SYNE2: variants seen among roughly 807,000 people sequenced by gnomAD.
The protein encoded by SYNE2 is nesprin-2.
Under a neutral mutation model 856.3 loss-of-function variants are expected in SYNE2, and 431 were observed. That is an observed-to-expected ratio of 0.50 (90% CI 0.47 to 0.55). The LOEUF (loss-of-function observed/expected upper bound fraction) is 0.55. SYNE2 is among the 20% of genes least tolerant of loss of function. The pLI is 0.00. For synonymous variants in SYNE2, 2,923 were observed against 2,872.3 expected (o/e 1.02, Z -0.56); for missense variants, 8,129 against 8,023.2 (o/e 1.01, Z -0.50).
At chr14:64,106,420 C>T (rs1177980578) in intron 64 of SYNE2, among the ~76,000 whole-genome samples, 3 of 152,122 alleles carry the variant, frequency 2.0e-5, no homozygotes, top group South Asian at 2.1e-4. Flanking sequence ...GAGGCCGAGG[C>T]GAGTGGATCA....
Position 64,119,380 on chromosome 14 carries a change from T to G in SYNE2, c.12841-47T>G, listed in dbSNP as rs776669309. ...CTTAACTTGTTTGCAGGCACAATAC[T>G]TCTTCAAGAACAACATTATGAATAA... On this transcript the variant is annotated intron_variant, in intron 66 of 115. Coordinates refer to ENST00000555002, the MANE Select transcript of SYNE2 (RefSeq NM_182914.3). 7 of 1,609,880 alleles carry G rather than the reference T, an allele frequency of 4.3e-6. No individual in the cohort carries two copies. In the East Asian group the frequency reaches 1.3e-4, roughly 31 times the overall value.
chr14:63,852,315 T>G (rs7144370), upstream of SYNE2, among the ~76,000 whole-genome samples: 87,995 of 151,820 alleles, frequency 0.58, 26,056 homozygotes, highest in South Asian at 0.69. Context: ...AAGGGACTGA[T>G]TATGGGCTGG....
rs111535955 is a variant in SYNE2 at position 63,863,646 on chromosome 14, A to G, written c.-52+10503A>G. 7.7e-4 allele frequency among the ~76,000 whole-genome samples: 117 copies of G among 152,256 alleles called. 1 individual carries two copies. Among genetic ancestry groups the G allele is most frequent in the African/African-American group, 2.6e-3 (110 of 41,550 alleles). On this transcript the variant is annotated intron_variant, in intron 1 of 115. Coordinates refer to ENST00000555002, the MANE Select transcript of SYNE2 (RefSeq NM_182914.3). ...GCATATAAGCTGTTACTATAGTATA[A>G]TGGTGAGTTATAGCCAGTGTATGAT...
chr14:63,803,992 T>C (rs1400724634), intron 1 of SYNE2, among the ~76,000 whole-genome samples: 1 of 152,122 alleles, frequency 6.6e-6, no homozygotes, highest in African/African-American at 2.4e-5. Context: ...GTGTGGCACT[T>C]CCCCCTTCAC....
intron 1 of SYNE2, among the ~76,000 whole-genome samples, chr14:63,799,752 CGTTT>C (rs1353877085): frequency 2.0e-5 from 3 of 152,048 alleles, no homozygotes; most frequent in Non-Finnish European, 4.4e-5. Flanking sequence ...AAAAATGTTT[CGTTT>C]ATTTGGTAAA....
In SYNE2 at chr14:64,190,095, T is replaced by C. The variant is rs781671699; in HGVS notation, c.17896T>C (p.Phe5966Leu). 1 of 1,614,084 alleles carries C rather than the reference T, an allele frequency of 6.2e-7. No individual in the cohort carries two copies. The highest frequency in any genetic ancestry group is 8.5e-7 in the Non-Finnish European group (1 of 1,180,016). Reference protein sequence around the residue: ...QKDCMEEINLFSENKLQLKQM... With the variant: ...QKDCMEEINLLSENKLQLKQM... Reference sequence around the variant, plus strand: ...GGACTGCATGGAAGAAATAAACTTGTTTAGTGAAAACAAGTTACAGTTAAA... The same window carrying C: ...GGACTGCATGGAAGAAATAAACTTGCTTAGTGAAAACAAGTTACAGTTAAA... The change falls in exon 99 of 116, where the codon TTT (phenylalanine) becomes CTT (leucine). Residue 5966 changes from phenylalanine to leucine, a missense_variant. Transcript: ENST00000555002.
At chr14:63,862,021 A>G (rs1893869490) in intron 1 of SYNE2, among the ~76,000 whole-genome samples, 1 of 152,234 alleles carries the variant, frequency 6.6e-6, no homozygotes, top group Non-Finnish European at 1.5e-5. Context: ...AGGTCCTCAC[A>G]TATCCCACCC....
At chr14:64,192,645 C>T (rs2098523604) in intron 99 of SYNE2, among the ~76,000 whole-genome samples, 1 of 152,148 alleles carries the variant, frequency 6.6e-6, no homozygotes, top group African/African-American at 2.4e-5. Context: ...ACTTAAACTT[C>T]ACTGTGATTC....
At chr14:64,064,974 C>T (rs2097347350) in intron 50 of SYNE2, among the ~76,000 whole-genome samples, 1 of 151,892 alleles carries the variant, frequency 6.6e-6, no homozygotes, top group African/African-American at 2.4e-5. Context: ...AGTCAATTCT[C>T]CTGCTTCAGC....
At chr14:64,187,005 A>G (rs1234990453) in intron 97 of SYNE2, among the ~76,000 whole-genome samples, 1 of 152,252 alleles carries the variant, frequency 6.6e-6, no homozygotes. Flanking sequence ...GGAGCATTTC[A>G]TATGAGTACT....
chr14:64,187,402 A>T lies in SYNE2; in HGVS notation c.17712+823A>T, dbSNP rs529226922. ...AATTTTTATACAAAAGAAAATGTTT[A>T]GAATATATGAAAAGTGTTCTGAAAG... On this transcript the variant is annotated intron_variant, in intron 97 of 115. Transcript: ENST00000555002. Among the ~76,000 whole-genome samples the T allele has an allele frequency of 1.5e-3, 231 of 152,336 alleles. 2 individuals are homozygous for T. The highest frequency in any genetic ancestry group is 2.3e-3 in the Non-Finnish European group (158 of 68,032).
rs2153505786 is a variant in SYNE2 at position 64,002,935 on chromosome 14, A to G, written c.4002A>G (p.Thr1334=). The part of the protein sequence containing the change: ...ALEDFLASLR[T]AKLSAEPVTD... ...AAGACTTTTTGGCGTCTCTCAGAAC[A>G]GCTAAACTCTCTGCTGAGCCCGTTA... The change falls in exon 30 of 116, where the codon ACA becomes ACG. Residue 1334 remains threonine (T), a synonymous_variant. Coordinates refer to ENST00000555002, the MANE Select transcript of SYNE2 (RefSeq NM_182914.3). The G allele has an allele frequency of 6.2e-7, 1 of 1,614,232 alleles. No individual in the cohort carries two copies. The highest frequency in any genetic ancestry group is 8.5e-7 in the Non-Finnish European group (1 of 1,180,038).
intron 104 of SYNE2, among the ~76,000 whole-genome samples, 178 bp downstream of exon 104, chr14:64,212,276 G>A (rs556957036): frequency 2.0e-4 from 31 of 152,230 alleles, no homozygotes; most frequent in African/African-American, 5.5e-4. Flanking sequence ...TGTTCTTTAC[G>A]GTCCAGGAGT....
intron 1 of SYNE2, among the ~76,000 whole-genome samples, chr14:63,865,724 C>CA (rs768960267): frequency 0.017 from 1,630 of 95,356 alleles, 162 homozygotes; most frequent in African/African-American, 0.066. Context: ...ACCCCCCCCC[C>CA]AAAAAAAAAG....
chr14:64,107,092 C>T (rs2097776616), intron 64 of SYNE2, among the ~76,000 whole-genome samples: 1 of 152,128 alleles, frequency 6.6e-6, no homozygotes, highest in African/African-American at 2.4e-5. Context: ...TGAGCACAAG[C>T]AATTCTTCTG....
intron 1 of SYNE2, among the ~76,000 whole-genome samples, chr14:63,879,679 G>A (rs1367666228): frequency 1.3e-5 from 2 of 152,204 alleles, no homozygotes; most frequent in Non-Finnish European, 2.9e-5. Flanking sequence ...CTGAGACAAA[G>A]GAGGAAAAGT....
chr14:63,887,277 C>G (rs2095014416), intron 1 of SYNE2, among the ~76,000 whole-genome samples: 1 of 149,204 alleles, frequency 6.7e-6, no homozygotes, highest in Admixed American at 6.6e-5. Flanking sequence ...GAGACTCCAT[C>G]TCAAAAAAAA....
At chr14:63,815,205 C>CATATATATATGCATATATAT (rs1316734811) in intron 1 of SYNE2, among the ~76,000 whole-genome samples, 1 of 94,612 alleles carries the variant, frequency 1.1e-5, no homozygotes, top group African/African-American at 3.7e-5. Flanking sequence ...TATATATATC[C>CATATATATATGCATATATAT]ATATATATAT....
intron 30 of SYNE2, 138 bp from the exon 31 acceptor site, chr14:64,006,905 T>C: frequency 1.4e-6 from 1 of 706,916 alleles, no homozygotes; most frequent in South Asian, 1.6e-5. Flanking sequence ...TCCTGAACTC[T>C]GTAACAGGAA....
Sources: allele counts gnomAD v4.1 joint callset (sites outside exome capture counted in the v4.1 genomes callset), GRCh38; gene constraint gnomAD v4.1.1; transcripts MANE v1.5; gene names NCBI Gene and HGNC (gene_info 2026-07-23, HGNC 2026-07-21).